The following PRRX1 variants were observed in gnomAD, a reference collection of about 807,000 sequenced individuals.
PRRX1 encodes paired related homeobox 1, also known as paired mesoderm homeobox protein 1.
PRRX1 carries 8 observed loss-of-function variants against 24.0 expected under a neutral mutation model. The observed-to-expected ratio is 0.33, with a 90% confidence interval of 0.20 to 0.60. The LOEUF (loss-of-function observed/expected upper bound fraction) is 0.60, where lower values mean the gene tolerates loss of function less well. Ranked by LOEUF, PRRX1 falls within the 20% of genes least tolerant of loss-of-function variation. The pLI is 0.82. For missense variants in PRRX1, 281 were observed against 322.4 expected (o/e 0.87, Z 0.98); for synonymous variants, 160 against 131.7 (o/e 1.22, Z -1.47).
intron 3 of PRRX1, chr1:170,730,267 T>C (rs1434478364): frequency 8.1e-6 from 13 of 1,603,696 alleles, no homozygotes; most frequent in Non-Finnish European, 1.1e-5. Flanking sequence ...TTTCACACTT[T>C]CAAAAATAGA....
intron 1 of PRRX1, among the ~76,000 whole-genome samples, chr1:170,677,684 C>T (rs777050815): frequency 3.3e-5 from 5 of 152,090 alleles, no homozygotes; most frequent in African/African-American, 7.2e-5. Flanking sequence ...ATACTTATAC[C>T]GCCACACCAT....
rs551991675 is a variant in PRRX1 at position 170,721,234 on chromosome 1, C to A, written c.417+1333C>A. Among the ~76,000 whole-genome samples, 8 of 152,274 alleles carry A rather than the reference C, an allele frequency of 5.3e-5. No homozygotes were observed. In the South Asian group the frequency reaches 1.7e-3, roughly 32 times the overall value. On this transcript the variant is annotated intron_variant, in intron 2 of 3. Transcript: ENST00000239461. ...CTGAAAGATCTTGTCTTCCATATTG[C>A]CAGTAGCAAGATGCTGTTTTGATAA...
chr1:170,695,812 C>G (rs1326343406), intron 1 of PRRX1, among the ~76,000 whole-genome samples: 1 of 129,606 alleles, frequency 7.7e-6, no homozygotes, highest in Non-Finnish European at 1.6e-5. Context: ...CTTCTTTTCT[C>G]TTTTCTCTTC....
intron 3 of PRRX1, among the ~76,000 whole-genome samples, chr1:170,729,873 A>G (rs1394855181): frequency 1.3e-5 from 2 of 152,180 alleles, no homozygotes; most frequent in Non-Finnish European, 2.9e-5. Context: ...TTCTTAGGCA[A>G]CTTGTAAGAG....
At chr1:170,715,104 C>G (rs150567459) in intron 1 of PRRX1, among the ~76,000 whole-genome samples, 1 of 152,098 alleles carries the variant, frequency 6.6e-6, no homozygotes, top group Non-Finnish European at 1.5e-5. Context: ...GGCTTTTTCC[C>G]TCTCTAAATC....
intron 1 of PRRX1, among the ~76,000 whole-genome samples, chr1:170,685,647 G>C (rs1334160971): frequency 7.5e-6 from 1 of 133,962 alleles, no homozygotes; most frequent in African/African-American, 2.8e-5. Flanking sequence ...ATGCCTGCTT[G>C]ATTTCTTTCT....
intron 2 of PRRX1, among the ~76,000 whole-genome samples, chr1:170,723,525 T>C (rs1655158623): frequency 1.3e-5 from 2 of 151,508 alleles, no homozygotes; most frequent in South Asian, 4.1e-4. Context: ...TAAAGATTTC[T>C]TGAATGAGTA....
At chr1:170,674,884 T>C (rs1211768806) in intron 1 of PRRX1, among the ~76,000 whole-genome samples, 1 of 152,242 alleles carries the variant, frequency 6.6e-6, no homozygotes. Flanking sequence ...CTGAGCTAGA[T>C]ACAATTAATA....
intron 3 of PRRX1, among the ~76,000 whole-genome samples, chr1:170,734,987 A>G (rs937883397): frequency 6.6e-6 from 1 of 152,220 alleles, no homozygotes; most frequent in African/African-American, 2.4e-5. Context: ...ACAGAAGAGC[A>G]CATGTCATTC....
chr1:170,696,337 A>G (rs1326371095), intron 1 of PRRX1, among the ~76,000 whole-genome samples: 4 of 152,158 alleles, frequency 2.6e-5, no homozygotes, highest in African/African-American at 9.7e-5. Flanking sequence ...TCTTAACATT[A>G]TATTTTACGT....
At chr1:170,729,498 C>CT (rs1475466825) in intron 3 of PRRX1, among the ~76,000 whole-genome samples, 2 of 152,290 alleles carry the variant, frequency 1.3e-5, no homozygotes, top group East Asian at 1.9e-4. Flanking sequence ...AGCCAACATA[C>CT]TTTTTTCTGG....
chr1:170,726,546 T>C, intron 3 of PRRX1, 145 bp downstream of exon 3: 1 of 1,021,158 alleles, frequency 9.8e-7, no homozygotes, highest in South Asian at 1.6e-5. Flanking sequence ...ATCCCCACAT[T>C]TTCCCAGGAG....
chr1:170,707,172 G>A (rs1338001394), intron 1 of PRRX1, among the ~76,000 whole-genome samples: 1 of 151,754 alleles, frequency 6.6e-6, no homozygotes, highest in Non-Finnish European at 1.5e-5. Context: ...GATGTCTCTA[G>A]GAAAGAAAAT....
intron 3 of PRRX1, among the ~76,000 whole-genome samples, chr1:170,732,044 C>T (rs543834578): frequency 2.0e-5 from 3 of 152,276 alleles, no homozygotes; most frequent in Admixed American, 2.0e-4. Context: ...ACTTAGAAGG[C>T]AAGACCAACA....
intron 1 of PRRX1, among the ~76,000 whole-genome samples, chr1:170,706,765 C>A (rs898126489): frequency 1.3e-5 from 2 of 152,164 alleles, no homozygotes; most frequent in African/African-American, 4.8e-5. Context: ...CACTTGGTGA[C>A]CACCTACACT....
At chr1:170,669,480 T>TC (rs1314077357) in intron 1 of PRRX1, 2 of 120,446 alleles carry the variant, frequency 1.7e-5, no homozygotes, top group African/African-American at 6.7e-5. Context: ...GCGTTTCTAT[T>TC]CCACCGACCC....
In PRRX1 at chr1:170,689,815, TCTCTCTCTCTCTCTCTCTCTCTCC is replaced by T. The variant is rs1229156979; in HGVS notation, c.241+25380_241+25403del. ...CGAACTGATGAGATTTAATATTCCG[TCTCTCTCTCTCTCTCTCTCTCTCC>T]CTCTCTCTCTCTCTCTCTCTCTCTC... On this transcript the variant is annotated intron_variant, in intron 1 of 3. Transcript: ENST00000239461. 7.4e-3 allele frequency among the ~76,000 whole-genome samples: 540 copies of T among 73,416 alleles called. 4 individuals are homozygous for T. The highest frequency in any genetic ancestry group is 0.037 in the Middle Eastern group (5 of 134). 48.2% of individuals were successfully genotyped at this position (73,416 alleles called of 152,430 possible).
chr1:170,694,555 G>A (rs1394001649), intron 1 of PRRX1, among the ~76,000 whole-genome samples: 2 of 152,150 alleles, frequency 1.3e-5, no homozygotes, highest in African/African-American at 2.4e-5. Context: ...TGAGAAGTAT[G>A]AGGGTACTTA....
Position 170,719,886 on chromosome 1 carries a change from C to T in PRRX1, c.402C>T (p.Thr134=), listed in dbSNP as rs768695225. Residue 134 remains threonine, a synonymous_variant, in exon 2 of 4, where the codon ACC becomes ACT. Coordinates refer to ENST00000239461, the MANE Select transcript of PRRX1 (RefSeq NM_022716.4). ...REDLARRVNL[T]EARVQVWFQN... ...ACCTTGCCCGCCGGGTGAACCTCAC[C>T]GAGGCGAGAGTGCAGGTAACTCAAG... is the stretch of plus-strand genomic sequence containing the variant. The T allele has an allele frequency of 3.0e-5, 48 of 1,613,894 alleles. No individual in the cohort carries two copies. The highest frequency in any genetic ancestry group is 1.9e-4 in the South Asian group (17 of 91,078).
Sources: gnomAD v4.1 joint callset for allele counts (sites outside exome capture counted in the v4.1 genomes callset) on GRCh38, gnomAD v4.1.1 for gene constraint, MANE v1.5 for transcripts, NCBI Gene and HGNC (gene_info 2026-07-23, HGNC 2026-07-21) for gene names.